SPEF2: variants seen among roughly 807,000 people sequenced by gnomAD.
The protein encoded by SPEF2 is sperm flagellar and cilia associated 2.
In SPEF2, 187 loss-of-function variants were observed where a neutral mutation model predicts 224.6. The ratio of observed to expected loss-of-function variants is 0.83; its 90% CI spans 0.74 to 0.94. The LOEUF (loss-of-function observed/expected upper bound fraction) is 0.94. SPEF2 is among the 40% of genes least tolerant of loss of function. The probability of loss-of-function intolerance (pLI) is 0.00; values close to 1 mark genes in which losing one functional copy is unlikely to be tolerated. For missense variants in SPEF2, 2,170 were observed against 2,135.6 expected (o/e 1.02, Z -0.32); for synonymous variants, 715 against 707.3 (o/e 1.01, Z -0.17).
chr5:35,709,716 C>T lies in SPEF2; in HGVS notation c.2839+595C>T, dbSNP rs114878956. On this transcript the variant is annotated intron_variant, in intron 19 of 36. Coordinates refer to ENST00000356031, the MANE Select transcript of SPEF2 (RefSeq NM_024867.4). ...TTTAAGTTTGTTCTAGATCCTTAAC[C>T]GCTATGGACCATAAGTCTAGCATTA... 7.6e-4 allele frequency: 748 copies of T among 985,260 alleles called. 2 individuals are homozygous for T. Among genetic ancestry groups the T allele is most frequent in the African/African-American group, 1.4e-3 (82 of 57,304 alleles). The allele number at this position is 985,260 out of a possible 1,614,324, so 61.0% of individuals were successfully genotyped here.
intron 27 of SPEF2, among the ~76,000 whole-genome samples, chr5:35,772,278 C>T (rs952955708): frequency 6.6e-6 from 1 of 152,154 alleles, no homozygotes; most frequent in African/African-American, 2.4e-5. Context: ...TACCCTCCCC[C>T]TCTGAAGTGG....
intron 23 of SPEF2, 46 bp from the exon 24 acceptor site, chr5:35,753,578 A>G: frequency 1.2e-6 from 2 of 1,610,928 alleles, no homozygotes; most frequent in South Asian, 1.1e-5. Flanking sequence ...AGGTGATTTG[A>G]GCAGCAATCT....
At chr5:35,624,927 A>T (rs958896511) in intron 1 of SPEF2, among the ~76,000 whole-genome samples, 1 of 152,170 alleles carries the variant, frequency 6.6e-6, no homozygotes, top group African/African-American at 2.4e-5. Flanking sequence ...GAGCCACGGC[A>T]TCCAGCCCTG....
chr5:35,644,508 T>C lies in SPEF2; in HGVS notation c.568T>C (p.Cys190Arg), dbSNP rs763980358. 3 of 1,601,158 alleles carry C rather than the reference T, an allele frequency of 1.9e-6. No homozygotes were observed. Among genetic ancestry groups the C allele is most frequent in the Middle Eastern group, 1.7e-4 (1 of 5,966 alleles). ...TCAAAAACTCAAGGAAGAGCAAAGATGTTTTGATATTGAAAAGGTTCTATA... is the reference window on the plus strand; with the variant it reads ...TCAAAAACTCAAGGAAGAGCAAAGACGTTTTGATATTGAAAAGGTTCTATA... Reference protein sequence around the residue: ...RFQKLKEEQRCFDIEKQYLNR... With the variant: ...RFQKLKEEQRRFDIEKQYLNR... The change falls in exon 4 of 37, where the codon TGT becomes CGT. Residue 190 changes from cysteine to arginine, a missense_variant. Cys to Arg is a radical substitution (Grantham distance 180). Coordinates refer to ENST00000356031, the MANE Select transcript of SPEF2 (RefSeq NM_024867.4).
intron 9 of SPEF2, among the ~76,000 whole-genome samples, chr5:35,668,777 G>A (rs1750860978): frequency 1.3e-5 from 2 of 151,880 alleles, no homozygotes; most frequent in South Asian, 4.2e-4. Flanking sequence ...AGATAGCTAA[G>A]GTTTTTTTCT....
At chr5:35,741,451 T>C (rs551190095) in intron 23 of SPEF2, among the ~76,000 whole-genome samples, 1 of 152,318 alleles carries the variant, frequency 6.6e-6, no homozygotes, top group Non-Finnish European at 1.5e-5. Context: ...GAGGCTGGTA[T>C]GTCTGGAGCA....
At chr5:35,690,358 A>G (rs899914953) in intron 10 of SPEF2, among the ~76,000 whole-genome samples, 2 of 152,182 alleles carry the variant, frequency 1.3e-5, no homozygotes, top group East Asian at 3.8e-4. Context: ...GTACAGTTTG[A>G]TCTGACCCCA....
At chr5:35,620,715 A>G (rs987280170) in intron 1 of SPEF2, among the ~76,000 whole-genome samples, 12 of 152,238 alleles carry the variant, frequency 7.9e-5, no homozygotes, top group African/African-American at 2.9e-4. Flanking sequence ...AGAATTAGTT[A>G]GCTGCTATAA....
At position 35,763,719 on chromosome 5, in the gene SPEF2, A is replaced by G; in HGVS notation, c.3801+17A>G. The G allele has an allele frequency of 1.3e-6, 2 of 1,587,546 alleles. No individual in the cohort carries two copies. Among genetic ancestry groups the G allele is most frequent in the Non-Finnish European group, 8.5e-7 (1 of 1,171,264 alleles). ...TCTCACATGGTAAGCAGTGCTCGTT[A>G]TATTTTCTGTTAGTAATACACATTC... On this transcript the variant is annotated intron_variant, in intron 26 of 36. Coordinates refer to ENST00000356031, the MANE Select transcript of SPEF2 (RefSeq NM_024867.4).
At position 35,712,839 on chromosome 5, in the gene SPEF2, T is replaced by A. The variant is rs1230311050; in HGVS notation, c.2867T>A (p.Leu956His). Residue 956 changes from leucine (L) to histidine (H), a missense_variant, in exon 20 of 37, where the codon CTT (leucine) becomes CAT (histidine). By Grantham distance (99) the Leu-to-His change is moderately conservative. Transcript: ENST00000356031. ...GCCCCGCATGGTAAGCAAGAATCTCTTCAGGAAGGAAAAGGGAAGAAAGGT... is the reference window on the plus strand; with the variant it reads ...GCCCCGCATGGTAAGCAAGAATCTCATCAGGAAGGAAAAGGGAAGAAAGGT... ...SEAPHGKQES[L>H]QEGKGKKGET... 1.2e-6 allele frequency: 2 copies of A among 1,613,820 alleles called. No homozygotes were observed. Among genetic ancestry groups the A allele is most frequent in the East Asian group, 4.5e-5 (2 of 44,862 alleles).
At chr5:35,800,342 G>T (rs1256705844) in intron 34 of SPEF2, among the ~76,000 whole-genome samples, 195 bp downstream of exon 34, 1 of 152,092 alleles carries the variant, frequency 6.6e-6, no homozygotes, top group Admixed American at 6.5e-5. Context: ...TGCCATCAAA[G>T]ATTTTTGTGG....
Position 35,773,892 on chromosome 5 carries a change from G to C in SPEF2, c.3950-1G>C. The C allele has an allele frequency of 6.2e-7, 1 of 1,610,720 alleles. No homozygotes were observed. Among genetic ancestry groups the C allele is most frequent in the Non-Finnish European group, 8.5e-7 (1 of 1,178,706 alleles). Reference sequence around the variant, plus strand: ...CTCAGCATGTTTCATTGCCCTTTCAGGTAAATCACCACCTATGGCAGAAGC... The same window carrying C: ...CTCAGCATGTTTCATTGCCCTTTCACGTAAATCACCACCTATGGCAGAAGC... On this transcript the variant is annotated splice_acceptor_variant, in intron 27 of 36. Transcript: ENST00000356031. LOFTEE classifies it high-confidence loss of function.
chr5:35,708,938 C>G lies in SPEF2; in HGVS notation c.2666-10C>G, dbSNP rs371280940. 7.9e-5 allele frequency: 127 copies of G among 1,602,334 alleles called. No individual in the cohort carries two copies. The highest frequency in any genetic ancestry group is 1.8e-4 in the Admixed American group (10 of 56,282). On this transcript the variant is annotated splice_polypyrimidine_tract_variant and intron_variant, in intron 18 of 36. Transcript: ENST00000356031. The stretch of plus-strand genomic sequence containing the variant: ...TCTAATGAAGGTCAATTCTTATCAT[C>G]CTTTTGAAGTTGAGAAGAAATTAGA...
chr5:35,635,893 T>C (rs1430836678), intron 2 of SPEF2, among the ~76,000 whole-genome samples: 5 of 152,174 alleles, frequency 3.3e-5, no homozygotes. Flanking sequence ...TTCTTTTCCT[T>C]TCTTTAACAT....
intron 36 of SPEF2, among the ~76,000 whole-genome samples, chr5:35,812,205 T>C (rs1400678711): frequency 6.6e-6 from 1 of 152,150 alleles, no homozygotes; most frequent in Non-Finnish European, 1.5e-5. Flanking sequence ...CAATTATATG[T>C]GGATGGACTA....
intron 29 of SPEF2, among the ~76,000 whole-genome samples, chr5:35,777,584 A>G (rs1341238672): frequency 6.6e-6 from 1 of 151,026 alleles, no homozygotes; most frequent in Non-Finnish European, 1.5e-5. Context: ...TCAGATTTAT[A>G]TTGTATATGT....
chr5:35,645,099 G>A (rs1747169821), intron 4 of SPEF2, among the ~76,000 whole-genome samples: 1 of 151,972 alleles, frequency 6.6e-6, no homozygotes, highest in African/African-American at 2.4e-5. Flanking sequence ...ATGATCTTCT[G>A]TGCCTTTGTG....
chr5:35,674,782 A>G (rs918244555), intron 10 of SPEF2, among the ~76,000 whole-genome samples: 7 of 152,050 alleles, frequency 4.6e-5, no homozygotes, highest in Non-Finnish European at 8.8e-5. Context: ...TAGGGCTTCA[A>G]CATATGAATC....
chr5:35,751,418 AACTT>A (rs974955603), intron 23 of SPEF2, among the ~76,000 whole-genome samples: 89 of 151,446 alleles, frequency 5.9e-4, no homozygotes, highest in African/African-American at 2.0e-3. Flanking sequence ...ACCACTGAAG[AACTT>A]ACTTATGTAC....
Sources: allele counts gnomAD v4.1 joint callset (sites outside exome capture counted in the v4.1 genomes callset), GRCh38; gene constraint gnomAD v4.1.1; transcripts MANE v1.5; gene names NCBI Gene and HGNC (gene_info 2026-07-23, HGNC 2026-07-21).